Variants in CORO7 observed in about 807,000 individuals in gnomAD.
The protein encoded by CORO7 is coronin 7, also known as coronin-7.
CORO7 carries 107 observed loss-of-function variants against 126.6 expected under a neutral mutation model. The ratio of observed to expected loss-of-function variants is 0.85; its 90% CI spans 0.72 to 0.99. The LOEUF (loss-of-function observed/expected upper bound fraction) is 0.99. CORO7 is among the 50% of genes least tolerant of loss of function. The probability of loss-of-function intolerance (pLI) is 0.00; values close to 1 mark genes in which losing one functional copy is unlikely to be tolerated. For missense variants in CORO7, 1,314 were observed against 1,255.8 expected (o/e 1.05, Z -0.70); for synonymous variants, 603 against 536.8 (o/e 1.12, Z -1.70).
chr16:4,361,640 G>A, intron 16 of CORO7, 171 bp from the exon 17 acceptor site: 1 of 870,296 alleles, frequency 1.1e-6, no homozygotes, highest in Non-Finnish European at 1.8e-6. Flanking sequence ...AGCCCCAAGT[G>A]CCAACCACAA....
intron 25 of CORO7, 67 bp downstream of exon 25, chr16:4,357,901 C>T (rs937084996): frequency 6.5e-7 from 1 of 1,541,056 alleles, no homozygotes; most frequent in African/African-American, 1.4e-5. Context: ...GAACTTCAAC[C>T]TGGGCCTTCT....
rs750291658 is a variant in CORO7, at chr16:4,360,366, G to T, written c.2023-3C>A. On this transcript the variant is annotated splice_region_variant and splice_polypyrimidine_tract_variant and intron_variant, in intron 20 of 27. Transcript: ENST00000251166. ...CCTCCCTTGGGCCCTGGGCCTTCCT[G>T]TTGAGATACATCGCGTGACACCCAG... 1.2e-6 allele frequency: 2 copies of T among 1,613,612 alleles called. No homozygotes were observed. The highest frequency in any genetic ancestry group is 1.7e-6 in the Non-Finnish European group (2 of 1,180,002).
At chr16:4,379,038 C>A (rs2054857904) in intron 9 of CORO7, among the ~76,000 whole-genome samples, 1 of 152,062 alleles carries the variant, frequency 6.6e-6, no homozygotes, top group Non-Finnish European at 1.5e-5. Context: ...AGTGACTTGT[C>A]TAATCTGTCC....
chr16:4,408,775 C>A (rs1002024039), intron 3 of CORO7, among the ~76,000 whole-genome samples: 2 of 152,174 alleles, frequency 1.3e-5, no homozygotes, highest in African/African-American at 4.8e-5. Flanking sequence ...CCAGCCTGGG[C>A]AACACGGTGA....
intron 9 of CORO7, among the ~76,000 whole-genome samples, chr16:4,373,416 G>C (rs1233454844): frequency 6.6e-6 from 1 of 152,124 alleles, no homozygotes; most frequent in African/African-American, 2.4e-5. Context: ...GGTCCGGAGG[G>C]TCAGATGGGG....
chr16:4,386,664 C>T (rs1309402597), intron 9 of CORO7, among the ~76,000 whole-genome samples: 3 of 152,196 alleles, frequency 2.0e-5, no homozygotes, highest in Non-Finnish European at 1.5e-5. Context: ...AGCCCTGACT[C>T]TGCCTCTTAC....
chr16:4,394,071 A>C (rs1057263028), intron 7 of CORO7, among the ~76,000 whole-genome samples: 1 of 152,118 alleles, frequency 6.6e-6, no homozygotes, highest in Non-Finnish European at 1.5e-5. Context: ...ACTGCCCTCC[A>C]GCCTGGGTGA....
At position 4,360,373 on chromosome 16, in the gene CORO7, T is replaced by A. The variant is rs58057409; in HGVS notation, c.2023-10A>T. 1 of 1,613,410 alleles carries A rather than the reference T, an allele frequency of 6.2e-7. No homozygotes were observed. Among genetic ancestry groups the A allele is most frequent in the Non-Finnish European group, 8.5e-7 (1 of 1,179,946 alleles). ...TGGGCCCTGGGCCTTCCTGTTGAGA[T>A]ACATCGCGTGACACCCAGCCAGCAC... On this transcript the variant is annotated splice_polypyrimidine_tract_variant and intron_variant, in intron 20 of 27. Coordinates refer to ENST00000251166, the MANE Select transcript of CORO7 (RefSeq NM_024535.5).
At chr16:4,416,338 G>A in intron 1 of CORO7, 121 bp downstream of exon 1, 1 of 1,317,256 alleles carries the variant, frequency 7.6e-7, no homozygotes, top group Non-Finnish European at 9.8e-7. Context: ...GGGGTTCCCC[G>A]GGGATGGAGG....
chr16:4,360,724 C>A (rs1189039379), intron 19 of CORO7, among the ~76,000 whole-genome samples, 176 bp from the exon 20 acceptor site: 2 of 145,266 alleles, frequency 1.4e-5, no homozygotes, highest in East Asian at 4.1e-4. Context: ...CACTGCTGGC[C>A]CCCCTTCTCC....
chr16:4,370,658 G>T (rs900126807), intron 9 of CORO7, among the ~76,000 whole-genome samples: 14 of 152,244 alleles, frequency 9.2e-5, no homozygotes, highest in Non-Finnish European at 1.5e-5. Context: ...GGGCCCTGTG[G>T]ACGGGAGGTC....
chr16:4,354,890 A>C lies in CORO7; in HGVS notation c.*268T>G. The C allele has an allele frequency of 2.3e-6, 1 of 432,918 alleles. No homozygotes were observed. The highest frequency in any genetic ancestry group is 4.1e-6 in the Non-Finnish European group (1 of 244,980). 26.8% of individuals were successfully genotyped at this position (432,918 alleles called of 1,614,324 possible). On this transcript the variant is annotated 3_prime_UTR_variant, in exon 28 of 28. Transcript: ENST00000251166. ...GGGTGCCCAGGGCCTGCCCAGGGAC[A>C]TGCTGCTGACCCCCCGCCACCCTGC...
chr16:4,354,942 C>A lies in CORO7; in HGVS notation c.*216G>T. 1 of 491,994 alleles carries A rather than the reference C, an allele frequency of 2.0e-6. No homozygotes were observed. The highest frequency in any genetic ancestry group is 3.5e-6 in the Non-Finnish European group (1 of 286,936). The allele number at this position is 491,994 out of a possible 1,614,324, so 30.5% of individuals were successfully genotyped here. A position where few individuals can be genotyped will look rare whatever the true frequency, so the allele number is the denominator to read the frequency against. ...CCCCTGGCCACATGCTAGCGGGCAGCTGATGAGCAGCAGCTGACCCCAGAG... is the reference window on the plus strand; with the variant it reads ...CCCCTGGCCACATGCTAGCGGGCAGATGATGAGCAGCAGCTGACCCCAGAG... On this transcript the variant is annotated 3_prime_UTR_variant, in exon 28 of 28. Transcript: ENST00000251166.
intron 9 of CORO7, among the ~76,000 whole-genome samples, chr16:4,379,768 C>A: frequency 6.6e-6 from 1 of 151,616 alleles, no homozygotes; most frequent in East Asian, 1.9e-4. Context: ...CGAAGCCGGG[C>A]ACGGTGGCTC....
intron 5 of CORO7, among the ~76,000 whole-genome samples, chr16:4,406,043 A>T (rs1165656482): frequency 1.3e-5 from 2 of 152,232 alleles, no homozygotes; most frequent in Non-Finnish European, 2.9e-5. Context: ...TCTGTCACCC[A>T]GGCTGGAGTG....
At chr16:4,405,382 C>T (rs780562464) in intron 6 of CORO7, 109 bp downstream of exon 6, 11 of 1,261,138 alleles carry the variant, frequency 8.7e-6, no homozygotes, top group Non-Finnish European at 1.2e-5. Context: ...ATCCTGACCT[C>T]AGTGCTCCAC....
chr16:4,393,290 A>G (rs2055463333), intron 7 of CORO7, among the ~76,000 whole-genome samples: 1 of 152,196 alleles, frequency 6.6e-6, no homozygotes, highest in African/African-American at 2.4e-5. Context: ...CTTTCTGGGC[A>G]AAGGCTTGGA....
chr16:4,361,019 G>A lies in CORO7; in HGVS notation c.1841C>T (p.Ser614Phe). Residue 614 changes from serine to phenylalanine, a missense_variant, in exon 19 of 28, where the codon TCC becomes TTC. By Grantham distance (155) the Ser-to-Phe change is radical. Transcript: ENST00000251166. ...PLAANVLASS[S>F]YDLTVRIWDL... ...CCAGATGCGAACAGTGAGGTCATAGGAGGACGAGGCCAGCACATTGGCTGC... is the reference window on the plus strand; with the variant it reads ...CCAGATGCGAACAGTGAGGTCATAGAAGGACGAGGCCAGCACATTGGCTGC... 6.2e-7 allele frequency: 1 copy of A among 1,613,330 alleles called. No individual in the cohort carries two copies. Among genetic ancestry groups the A allele is most frequent in the Non-Finnish European group, 8.5e-7 (1 of 1,180,012 alleles).
rs183572321 is a variant in CORO7 at position 4,357,647 on chromosome 16, C to T, written c.2593+321G>A. On this transcript the variant is annotated intron_variant, in intron 25 of 27. Transcript: ENST00000251166. ...CTGGGATTACAGGCATGAGCCACCG[C>T]GCCTGGCCGACCTAGGGGATTTCTA... 519 of 377,942 alleles carry T rather than the reference C, an allele frequency of 1.4e-3. 4 individuals are homozygous for T. The East Asian group carries it at 0.02, about 15-fold the overall frequency. 23.4% of individuals were successfully genotyped at this position (377,942 alleles called of 1,614,324 possible).
Sources: gnomAD v4.1 joint callset for allele counts (sites outside exome capture counted in the v4.1 genomes callset) on GRCh38, gnomAD v4.1.1 for gene constraint, MANE v1.5 for transcripts, NCBI Gene and HGNC (gene_info 2026-07-23, HGNC 2026-07-21) for gene names.